Variants in PCDHGA8 observed in about 807,000 individuals in gnomAD.
The protein encoded by PCDHGA8 is protocadherin gamma subfamily A, 8, also known as protocadherin gamma-A8.
In PCDHGA8, 45 loss-of-function variants were observed where a neutral mutation model predicts 59.2. The ratio of observed to expected loss-of-function variants is 0.76; its 90% confidence interval spans 0.60 to 0.98. PCDHGA8 has a LOEUF of 0.98. PCDHGA8 is among the 50% of genes least tolerant of loss of function. The probability of loss-of-function intolerance (pLI) is 0.00; values close to 1 mark genes in which losing one functional copy is unlikely to be tolerated. For synonymous variants in PCDHGA8, 531 were observed against 519.0 expected, an observed-to-expected ratio of 1.02 and a Z score of -0.32; for missense variants, 1,257 against 1,196.2, an observed-to-expected ratio of 1.05 and a Z score of -0.75.
At position 141,512,047 on chromosome 5, in the gene PCDHGA8, C is replaced by T. The variant is rs1183612907; in HGVS notation, c.*874C>T. 1 of 152,722 alleles carries T rather than the reference C, an allele frequency of 6.5e-6. No individual in the cohort carries two copies. The highest frequency in any genetic ancestry group is 1.5e-5 in the Non-Finnish European group (1 of 68,120). The allele number at this position is 152,722 out of a possible 1,614,324, so 9.5% of individuals were successfully genotyped here. A position where few individuals can be genotyped will look rare whatever the true frequency, so the allele number is the denominator to read the frequency against. On this transcript the variant is annotated 3_prime_UTR_variant, in exon 4 of 4. Coordinates refer to ENST00000398604, the MANE Select transcript of PCDHGA8 (RefSeq NM_032088.2). The stretch of plus-strand genomic sequence containing the variant: ...CCTTGGAGGAGGCTCTGTATGTCCT[C>T]AGGGGACTGACAACATCCTCCAGAT...
rs145025535 is a variant in PCDHGA8 at position 141,457,569 on chromosome 5, T to A, written c.2425-37238T>A. 2.5e-3 allele frequency among the ~76,000 whole-genome samples: 376 copies of A among 152,304 alleles called. 1 individual carries two copies. Among genetic ancestry groups the A allele is most frequent in the African/African-American group, 8.6e-3 (357 of 41,554 alleles). On this transcript the variant is annotated intron_variant, in intron 1 of 3. Transcript: ENST00000398604. Reference sequence around the variant, plus strand: ...TGTATGATAAGCTTTGGAGCAAAATTTTTCTCTCCAGTCCTCATTTTTGGT... The same window carrying A: ...TGTATGATAAGCTTTGGAGCAAAATATTTCTCTCCAGTCCTCATTTTTGGT...
chr5:141,456,308 T>C (rs2098849199), intron 1 of PCDHGA8, among the ~76,000 whole-genome samples: 1 of 152,156 alleles, frequency 6.6e-6, no homozygotes, highest in Non-Finnish European at 1.5e-5. Context: ...GAACAGCAGC[T>C]AGGGCTCCTC....
chr5:141,415,704 T>C (rs1262137262), intron 1 of PCDHGA8: 1 of 1,344,464 alleles, frequency 7.4e-7, no homozygotes, highest in South Asian at 1.3e-5. Context: ...GTGTAAATGC[T>C]AAAACACTGA....
chr5:141,430,383 GAAA>G (rs139772145), intron 1 of PCDHGA8, among the ~76,000 whole-genome samples: 9 of 138,566 alleles, frequency 6.5e-5, no homozygotes, highest in African/African-American at 2.4e-4. Context: ...AGCTCATTGG[GAAA>G]AAAAAAAAAA....
chr5:141,410,789 A>G (rs1264282350), intron 1 of PCDHGA8: 13 of 794,352 alleles, frequency 1.6e-5, no homozygotes, highest in Non-Finnish European at 2.4e-5. Flanking sequence ...TATTTGGTTC[A>G]TAAGTTGCTC....
At chr5:141,421,370 A>G (rs765775416) in intron 1 of PCDHGA8, 4 of 1,613,916 alleles carry the variant, frequency 2.5e-6, no homozygotes, top group African/African-American at 1.3e-5. Flanking sequence ...TTCGTGGGCA[A>G]TATCTCCAAG....
chr5:141,400,516 C>T, intron 1 of PCDHGA8: 2 of 1,613,964 alleles, frequency 1.2e-6, no homozygotes, highest in African/African-American at 1.3e-5. Context: ...GACTTCCCAT[C>T]CTGAGTTGGT....
chr5:141,418,087 C>T (rs2096220274), intron 1 of PCDHGA8: 9 of 1,613,894 alleles, frequency 5.6e-6, no homozygotes, highest in Non-Finnish European at 7.6e-6. Flanking sequence ...TGCACTTCAG[C>T]GTAGACGCGC....
chr5:141,497,596 G>C (rs920597006), intron 2 of PCDHGA8, among the ~76,000 whole-genome samples: 1 of 149,648 alleles, frequency 6.7e-6, no homozygotes, highest in Admixed American at 6.7e-5. Context: ...CTGGAGTGCA[G>C]TGGTGCGATC....
intron 3 of PCDHGA8, among the ~76,000 whole-genome samples, chr5:141,509,815 TCTC>T (rs1596250992): frequency 6.6e-6 from 1 of 152,226 alleles, no homozygotes; most frequent in East Asian, 1.9e-4. Flanking sequence ...GCCGAGCTCT[TCTC>T]CATCTTCTCT....
chr5:141,392,851 T>C lies in PCDHGA8; in HGVS notation c.38T>C (p.Leu13Pro). The C allele has an allele frequency of 6.2e-7, 1 of 1,611,148 alleles. No individual in the cohort carries two copies. Among genetic ancestry groups the C allele is most frequent in the Non-Finnish European group, 8.5e-7 (1 of 1,178,806 alleles). Residue 13 changes from leucine (L) to proline (P), a missense_variant, in exon 1 of 4, where the codon CTG becomes CCG. Leu to Pro is a moderately conservative substitution (Grantham distance 98). Transcript: ENST00000398604. Reference protein sequence around the residue: ...APQSRPRRGELILLCALLGTL... With the variant: ...APQSRPRRGEPILLCALLGTL... ...CAGAGTCGCCCCAGACGCGGCGAGC[T>C]GATCCTGCTGTGCGCGCTGCTGGGA...
chr5:141,488,548 T>C (rs112676623), intron 1 of PCDHGA8, among the ~76,000 whole-genome samples: 2 of 152,318 alleles, frequency 1.3e-5, no homozygotes, highest in African/African-American at 4.8e-5. Flanking sequence ...CCATGTCAGC[T>C]GACATTGAGA....
At chr5:141,464,279 C>CAA (rs373828487) in intron 1 of PCDHGA8, among the ~76,000 whole-genome samples, 8,568 of 137,664 alleles carry the variant, frequency 0.062, 499 homozygotes, top group African/African-American at 0.16. Context: ...AAAAAAAAAG[C>CAA]AAAAAAAAAA....
At chr5:141,470,574 CA>C (rs1369567985) in intron 1 of PCDHGA8, among the ~76,000 whole-genome samples, 1 of 152,188 alleles carries the variant, frequency 6.6e-6, no homozygotes, top group Non-Finnish European at 1.5e-5. Flanking sequence ...CAAGCAGGAT[CA>C]ACTTCATAGG....
At position 141,457,041 on chromosome 5, in the gene PCDHGA8, A is replaced by T. The variant is rs151212070; in HGVS notation, c.2425-37766A>T. On this transcript the variant is annotated intron_variant, in intron 1 of 3. Transcript: ENST00000398604. ...AAGTCCTAGTAGACTCAGTGATAGT[A>T]AAACTTTCATGCTTCCTTTTTGCCA... 2.3e-4 allele frequency among the ~76,000 whole-genome samples: 35 copies of T among 152,360 alleles called. No individual in the cohort carries two copies. In the East Asian group the frequency reaches 6.4e-3, roughly 28 times the overall value.
At chr5:141,410,338 C>T (rs1050053577) in intron 1 of PCDHGA8, 35 of 1,613,900 alleles carry the variant, frequency 2.2e-5, no homozygotes, top group Non-Finnish European at 2.2e-5. Context: ...TGGCCATTGC[C>T]TTGCGCCTGC....
Position 141,413,476 on chromosome 5 carries a change from G to T in PCDHGA8, c.2424+18239G>T, listed in dbSNP as rs566734719. 2.1e-5 allele frequency: 34 copies of T among 1,614,004 alleles called. No homozygotes were observed. The South Asian group carries it at 3.7e-4, about 18-fold the overall frequency. ...CAGGATAGACCGGGAGGAGCTCTGC[G>T]CTCAGAGCGCGCGGTGCGTGGTGAG... On this transcript the variant is annotated intron_variant, in intron 1 of 3. Coordinates refer to ENST00000398604, the MANE Select transcript of PCDHGA8 (RefSeq NM_032088.2).
At chr5:141,417,958 C>T (rs1255501304) in intron 1 of PCDHGA8, 3 of 1,613,720 alleles carry the variant, frequency 1.9e-6, no homozygotes, top group South Asian at 2.2e-5. Context: ...GTGAGCCGAT[C>T]CGCTACTCGA....
intron 1 of PCDHGA8, chr5:141,409,268 A>G (rs753457286): frequency 1.5e-5 from 24 of 1,613,896 alleles, no homozygotes; most frequent in Non-Finnish European, 2.0e-5. Context: ...CTCTGATCAG[A>G]TTTTGGAGAA....
Sources: gnomAD v4.1 joint callset for allele counts (sites outside exome capture counted in the v4.1 genomes callset) on GRCh38, gnomAD v4.1.1 for gene constraint, MANE v1.5 for transcripts, NCBI Gene and HGNC (gene_info 2026-07-23, HGNC 2026-07-21) for gene names.